MCM9: variants seen among roughly 807,000 people sequenced by gnomAD.
MCM9 encodes minichromosome maintenance 9 homologous recombination repair factor, also known as DNA helicase MCM9.
A neutral mutation model predicts 72.8 loss-of-function variants in MCM9; 55 were observed. The observed-to-expected ratio is 0.76, with a 90% CI of 0.61 to 0.95. The LOEUF (loss-of-function observed/expected upper bound fraction) is 0.95. Ranked by LOEUF, MCM9 falls within the 40% of genes least tolerant of loss-of-function variation. MCM9 has a pLI of 0.00. For synonymous variants in MCM9, 480 were observed against 503.4 expected, an observed-to-expected ratio of 0.95 and a Z score of 0.62; for missense variants, 1,279 against 1,377.0, an observed-to-expected ratio of 0.93 and a Z score of 1.13.
chr6:118,836,923 T>C (rs1002112687), intron 9 of MCM9, among the ~76,000 whole-genome samples: 4 of 152,184 alleles, frequency 2.6e-5, no homozygotes, highest in African/African-American at 9.7e-5. Flanking sequence ...GTTCTTTTAA[T>C]TGTGACATAA....
intron 13 of MCM9, among the ~76,000 whole-genome samples, chr6:118,821,955 C>T (rs182173610): frequency 4.6e-4 from 70 of 152,268 alleles, no homozygotes; most frequent in African/African-American, 1.6e-3. Flanking sequence ...AGTTCTCGTG[C>T]TGTGTTTTTC....
At chr6:118,924,823 C>T (rs116105588) in intron 3 of MCM9, among the ~76,000 whole-genome samples, 1,589 of 152,240 alleles carry the variant, frequency 0.01, 30 homozygotes, top group African/African-American at 0.036. Flanking sequence ...GTAGGAGAAC[C>T]GCTGGGGCCC....
rs1321408367 is a variant in MCM9 at position 118,854,431 on chromosome 6, CA to C, written c.1325+1939del. Among the ~76,000 whole-genome samples, 9 of 150,756 alleles carry C rather than the reference CA, an allele frequency of 6.0e-5. No homozygotes were observed. In the East Asian group the frequency reaches 1.8e-3, roughly 30 times the overall value. ...AGTGGAGTACGATCTTGGCTTACTG[CA>C]ACCTCCTCCTCCCAGGTTCAAGCGA... On this transcript the variant is annotated intron_variant, in intron 9 of 13. Transcript: ENST00000619706.
intron 6 of MCM9, among the ~76,000 whole-genome samples, chr6:118,916,068 T>C (rs1780918720): frequency 6.6e-6 from 1 of 152,024 alleles, no homozygotes; most frequent in South Asian, 2.1e-4. Context: ...AAGAAACCAT[T>C]TTCAGGCTGT....
At position 118,926,629 on chromosome 6, in the gene MCM9, AAAT is replaced by A. The variant is rs1367937764; in HGVS notation, c.305-2505_305-2503del. 6.6e-5 allele frequency among the ~76,000 whole-genome samples: 10 copies of A among 152,336 alleles called. No individual in the cohort carries two copies. In the South Asian group the frequency reaches 2.1e-3, roughly 32 times the overall value. On this transcript the variant is annotated intron_variant, in intron 3 of 13. Coordinates refer to ENST00000619706, the MANE Select transcript of MCM9 (RefSeq NM_017696.3). ...ACAGTACTTCACTCTTTTTATGACT[AAAT>A]AATATTCCACTGTTTAGATATACCG...
At chr6:118,894,419 A>G (rs1280890428) in intron 8 of MCM9, 6 of 1,536,842 alleles carry the variant, frequency 3.9e-6, no homozygotes, top group Non-Finnish European at 5.2e-6. Flanking sequence ...AAAATATGGC[A>G]AAGGTTCAGG....
In MCM9 at chr6:118,867,884, TC is replaced by T. The variant is rs1367308279; in HGVS notation, c.1151-11340del. On this transcript the variant is annotated intron_variant, in intron 8 of 13. Transcript: ENST00000619706. ...TATATTTCTTTTTTCTTTTTCTTTT[TC>T]TTTTTTTTTGAGATGAAGTCTCACT... 2.4e-4 allele frequency among the ~76,000 whole-genome samples: 35 copies of T among 146,856 alleles called. 2 individuals carry two copies. Among genetic ancestry groups the T allele is most frequent in the East Asian group, 7.9e-4 (4 of 5,078 alleles).
chr6:118,914,553 G>A (rs1192536551), intron 6 of MCM9, among the ~76,000 whole-genome samples: 1 of 152,092 alleles, frequency 6.6e-6, no homozygotes, highest in East Asian at 1.9e-4. Flanking sequence ...GTAAATCCAG[G>A]AAGTTCATTA....
At chr6:118,854,244 T>C (rs1034180888) in intron 9 of MCM9, among the ~76,000 whole-genome samples, 2 of 152,244 alleles carry the variant, frequency 1.3e-5, no homozygotes, top group African/African-American at 2.4e-5. Context: ...ACCATACTTC[T>C]AGTACAATAT....
In MCM9 at chr6:118,814,131, G is replaced by T. The variant is rs1235358456; in HGVS notation, c.*693C>A. On this transcript the variant is annotated 3_prime_UTR_variant, in exon 14 of 14. Coordinates refer to ENST00000619706, the MANE Select transcript of MCM9 (RefSeq NM_017696.3). ...AGGCCCCCAAGAGAAAAAAGAATCT[G>T]AAGTACAAAATGTTGGCTCAAGAAA... The T allele has an allele frequency of 6.6e-6, 1 of 152,108 alleles. No homozygotes were observed. The highest frequency in any genetic ancestry group is 1.5e-5 in the Non-Finnish European group (1 of 68,032). 9.4% of individuals were successfully genotyped at this position (152,108 alleles called of 1,614,324 possible).
chr6:118,884,013 T>C (rs986442794), intron 8 of MCM9, among the ~76,000 whole-genome samples: 1 of 152,160 alleles, frequency 6.6e-6, no homozygotes, highest in Non-Finnish European at 1.5e-5. Flanking sequence ...GTTGGGCCTA[T>C]AACATATAGA....
rs59630533 is a variant in MCM9 at position 118,814,390 on chromosome 6, C to CAAAAAAAAAAA, written c.*423_*433dup. ...ACTTAGCCCATTCCAGGTGAAAATACAAAAAAAAAAAAAAAAAGTAGAAAA... is the reference window on the plus strand; with the variant it reads ...ACTTAGCCCATTCCAGGTGAAAATACAAAAAAAAAAAAAAAAAAAAAAAAAAAAGTAGAAAA... On this transcript the variant is annotated 3_prime_UTR_variant, in exon 14 of 14. Transcript: ENST00000619706. The CAAAAAAAAAAA allele has an allele frequency of 3.7e-5, 3 of 80,382 alleles. No homozygotes were observed. The highest frequency in any genetic ancestry group is 4.1e-5 in the African/African-American group (1 of 24,632). The allele number at this position is 80,382 out of a possible 1,614,324, so 5.0% of individuals were successfully genotyped here.
intron 8 of MCM9, among the ~76,000 whole-genome samples, chr6:118,876,219 G>A (rs928530535): frequency 6.6e-6 from 1 of 150,900 alleles, no homozygotes; most frequent in African/African-American, 2.5e-5. Context: ...GTTGCCAGGG[G>A]TTGAAGGGAA....
chr6:118,843,670 G>GTA (rs1241155575), intron 9 of MCM9, among the ~76,000 whole-genome samples: 5 of 17,142 alleles, frequency 2.9e-4, no homozygotes, highest in African/African-American at 9.9e-4. Flanking sequence ...ATATATATAT[G>GTA]TATGTATATA....
chr6:118,873,237 GAAA>G (rs1438632372), intron 8 of MCM9, among the ~76,000 whole-genome samples: 1 of 126,238 alleles, frequency 7.9e-6, no homozygotes, highest in Non-Finnish European at 1.7e-5. Context: ...AGGGGAAAGG[GAAA>G]GGGAAGGGGA....
chr6:118,891,701 C>A (rs1778953868), intron 8 of MCM9, among the ~76,000 whole-genome samples: 2 of 152,144 alleles, frequency 1.3e-5, no homozygotes, highest in Non-Finnish European at 2.9e-5. Flanking sequence ...GGGATTAGTG[C>A]TTCAACATAC....
At chr6:118,889,937 A>C (rs150406537) in intron 8 of MCM9, among the ~76,000 whole-genome samples, 20 of 152,346 alleles carry the variant, frequency 1.3e-4, no homozygotes, top group African/African-American at 4.8e-4. Flanking sequence ...AATGACGTGG[A>C]GCAGAGAAGG....
At chr6:118,849,560 A>G (rs951545950) in intron 9 of MCM9, among the ~76,000 whole-genome samples, 2 of 151,740 alleles carry the variant, frequency 1.3e-5, no homozygotes, top group African/African-American at 4.9e-5. Flanking sequence ...TAAAAACCTC[A>G]TGAAGTTCCT....
intron 8 of MCM9, among the ~76,000 whole-genome samples, chr6:118,858,199 A>G (rs1398780616): frequency 6.6e-6 from 1 of 152,172 alleles, no homozygotes; most frequent in Non-Finnish European, 1.5e-5. Flanking sequence ...ATGCAAGGTG[A>G]AGTTAACATT....
Sources: allele counts gnomAD v4.1 joint callset (sites outside exome capture counted in the v4.1 genomes callset), GRCh38; gene constraint gnomAD v4.1.1; transcripts MANE v1.5; gene names NCBI Gene and HGNC (gene_info 2026-07-23, HGNC 2026-07-21).